Variants in USP36 observed in about 807,000 individuals in gnomAD.
The protein encoded by USP36 is ubiquitin specific peptidase 36.
A neutral mutation model predicts 111.5 loss-of-function variants in USP36; 59 were observed. The observed-to-expected ratio is 0.53, with a 90% CI of 0.43 to 0.66. The LOEUF is 0.66. Ranked by LOEUF, USP36 falls within the 30% of genes least tolerant of loss-of-function variation. The probability of loss-of-function intolerance (pLI) is 0.00; values close to 1 mark genes in which losing one functional copy is unlikely to be tolerated. For synonymous variants in USP36, 628 were observed against 581.0 expected (o/e 1.08, Z -1.16); for missense variants, 1,488 against 1,468.0 (o/e 1.01, Z -0.22).
intron 15 of USP36, among the ~76,000 whole-genome samples, chr17:78,804,736 C>T (rs1465861524): frequency 3.3e-5 from 5 of 149,378 alleles, no homozygotes; most frequent in African/African-American, 1.2e-4. Flanking sequence ...TGTTCCATGC[C>T]TTAGTTTCTT....
chr17:78,822,020 C>A lies in USP36; in HGVS notation c.690-16G>T. On this transcript the variant is annotated splice_polypyrimidine_tract_variant and intron_variant, in intron 6 of 20. Coordinates refer to ENST00000449938, the MANE Select transcript of USP36 (RefSeq NM_001385174.1). ...ACGATCCAACCTGAAAAGGAGACCC[C>A]AGCCTTTAAGGGAAGGGCTCAGCAA... 1.9e-6 allele frequency: 3 copies of A among 1,614,048 alleles called. No individual in the cohort carries two copies. The highest frequency in any genetic ancestry group is 1.1e-5 in the South Asian group (1 of 91,076).
At chr17:78,837,973 T>A (rs545730954) in intron 2 of USP36, among the ~76,000 whole-genome samples, 2 of 152,312 alleles carry the variant, frequency 1.3e-5, no homozygotes, top group African/African-American at 4.8e-5. Flanking sequence ...TCGTCCCAGA[T>A]GCTTGGGAGG....
At chr17:78,834,124 A>G (rs1420948461) in intron 4 of USP36, among the ~76,000 whole-genome samples, 1 of 151,882 alleles carries the variant, frequency 6.6e-6, no homozygotes, top group Admixed American at 6.6e-5. Flanking sequence ...GCGTGCGTCT[A>G]TAGTCCCAGC....
At chr17:78,790,282 GTTTC>G (rs773530065) in intron 3 of USP36, among the ~76,000 whole-genome samples, 6 of 151,518 alleles carry the variant, frequency 4.0e-5, no homozygotes, top group South Asian at 2.1e-4. Context: ...TGGAGATATG[GTTTC>G]TTTTTCTTTT....
Position 78,798,568 on chromosome 17 carries a change from A to G in USP36, c.3241-17T>C. The G allele has an allele frequency of 6.2e-7, 1 of 1,611,058 alleles. No homozygotes were observed. ...TTTCTTTTCCTAGACCAAGAATCAC[A>G]GGCATCACAGTTCCCAAAAACGGCT... On this transcript the variant is annotated splice_polypyrimidine_tract_variant and intron_variant, in intron 19 of 20. Transcript: ENST00000449938. The surrounding 1 kb of genome is among the most constrained non-coding windows in gnomAD (Gnocchi z 5.1).
chr17:78,806,097 G>A (rs2093891996), intron 15 of USP36, 59 bp downstream of exon 15: 1 of 1,607,498 alleles, frequency 6.2e-7, no homozygotes, highest in Admixed American at 1.7e-5. Flanking sequence ...CACCAGCCAA[G>A]CACACGCAAC....
At chr17:78,806,347 G>C in intron 14 of USP36, 61 bp from the exon 15 acceptor site, 17 of 1,595,390 alleles carry the variant, frequency 1.1e-5, no homozygotes, top group Non-Finnish European at 1.3e-5. Flanking sequence ...TGAGTGAAGA[G>C]GGAAAACAAA....
intron 13 of USP36, among the ~76,000 whole-genome samples, chr17:78,810,842 C>T (rs767786452): frequency 4.6e-5 from 7 of 152,038 alleles, no homozygotes; most frequent in Admixed American, 6.6e-5. Flanking sequence ...AGGCCGGGCA[C>T]GGTGGCTCAT....
Position 78,821,075 on chromosome 17 carries a change from G to C in USP36, c.758-14C>G, listed in dbSNP as rs192823009. Reference sequence around the variant, plus strand: ...CGGAGCACTTCACTGCAACAGAACAGAGGCAGTGGAGCAGGTGGGGCCTGG... The same window carrying C: ...CGGAGCACTTCACTGCAACAGAACACAGGCAGTGGAGCAGGTGGGGCCTGG... On this transcript the variant is annotated splice_polypyrimidine_tract_variant and intron_variant, in intron 7 of 20. Transcript: ENST00000449938. 3.1e-5 allele frequency: 49 copies of C among 1,590,222 alleles called. No homozygotes were observed. The highest frequency in any genetic ancestry group is 1.0e-4 in the Admixed American group (6 of 57,398).
At chr17:78,819,002 G>A in intron 9 of USP36, 1 of 457,412 alleles carries the variant, frequency 2.2e-6, no homozygotes, top group Non-Finnish European at 4.0e-6. Context: ...AGATTCTAAA[G>A]CAAAAAAATA....
At chr17:78,832,181 T>C (rs1434127560) in intron 4 of USP36, among the ~76,000 whole-genome samples, 1 of 152,192 alleles carries the variant, frequency 6.6e-6, no homozygotes, top group African/African-American at 2.4e-5. Flanking sequence ...TCCTAGACTA[T>C]TTACACAGTG....
intron 15 of USP36, among the ~76,000 whole-genome samples, chr17:78,804,946 C>T (rs2093858817): frequency 6.6e-6 from 1 of 152,168 alleles, no homozygotes; most frequent in Non-Finnish European, 1.5e-5. Flanking sequence ...AAGTGTTGAG[C>T]TGGCCTAATG....
At chr17:78,824,841 G>A (rs143816809) in intron 6 of USP36, among the ~76,000 whole-genome samples, 3 of 152,242 alleles carry the variant, frequency 2.0e-5, no homozygotes, top group Non-Finnish European at 2.9e-5. Flanking sequence ...AGGGGCCGGC[G>A]GAAACCCTGC....
intron 6 of USP36, among the ~76,000 whole-genome samples, chr17:78,823,952 C>G (rs2067302455): frequency 1.3e-5 from 2 of 152,168 alleles, no homozygotes; most frequent in Non-Finnish European, 2.9e-5. Context: ...AAGCACAAAG[C>G]AGCAATGAAC....
Position 78,802,307 on chromosome 17 carries a change from C to A in USP36, c.3022+17G>T, listed in dbSNP as rs1357143803. 1.9e-6 allele frequency: 3 copies of A among 1,553,218 alleles called. No homozygotes were observed. Among genetic ancestry groups the A allele is most frequent in the South Asian group, 1.2e-5 (1 of 85,066 alleles). On this transcript the variant is annotated intron_variant, in intron 17 of 20. Transcript: ENST00000449938. ...GTGCACACCCATGCGGTTCCCACCC[C>A]CTCGCCCGGTGCATACCCATGCGGT... is the stretch of plus-strand genomic sequence containing the variant.
At chr17:78,813,505 A>G (rs997335826) in intron 12 of USP36, among the ~76,000 whole-genome samples, 3 of 152,118 alleles carry the variant, frequency 2.0e-5, no homozygotes, top group African/African-American at 7.2e-5. Context: ...CAGTACCTCT[A>G]ATTTGGGGCA....
chr17:78,798,383 AC>A lies in USP36; in HGVS notation c.*20+16del, dbSNP rs748226097. The A allele has an allele frequency of 8.1e-6, 13 of 1,609,790 alleles. No individual in the cohort carries two copies. The highest frequency in any genetic ancestry group is 1.1e-5 in the Non-Finnish European group (13 of 1,179,040). Reference sequence around the variant, plus strand: ...ACACCCCCACCTCACCCTTACACCCACCCCCTCGGAACCGACCTCCTTCCAC... The same window carrying A: ...ACACCCCCACCTCACCCTTACACCCACCCCTCGGAACCGACCTCCTTCCAC... On this transcript the variant is annotated intron_variant, in intron 20 of 20. Coordinates refer to ENST00000449938, the MANE Select transcript of USP36 (RefSeq NM_001385174.1). This position sits in a 1 kb window ranked among gnomAD's most constrained non-coding sequence, Gnocchi z 5.1.
chr17:78,807,231 G>A lies in USP36; in HGVS notation c.1813C>T (p.Leu605Phe), dbSNP rs755243023. The A allele has an allele frequency of 6.2e-7, 1 of 1,614,108 alleles. No individual in the cohort carries two copies. The highest frequency in any genetic ancestry group is 1.1e-5 in the South Asian group (1 of 91,078). The change falls in exon 14 of 21, where the codon CTC becomes TTC. Residue 605 changes from leucine (L) to phenylalanine (F), a missense_variant. Leu to Phe is a conservative substitution (Grantham distance 22, BLOSUM62 0). Transcript: ENST00000449938. ...GAGCTGCTGGAGCCCCTCCTGTCGA[G>A]GCCAGCGCTCTCGTCGTTCCCCTTC... ...GLKGNDESAGLDRRGSSSSSP... is the reference protein window; with the variant it reads ...GLKGNDESAGFDRRGSSSSSP...
rs532399316 is a variant in USP36, at chr17:78,798,187, C to T, written c.*20+213G>A. On this transcript the variant is annotated intron_variant, in intron 20 of 20. Transcript: ENST00000449938. This position sits in a 1 kb window ranked among gnomAD's most constrained non-coding sequence, Gnocchi z 5.1. ...ATACACACGCATCCCACACACACCC[C>T]CTTATACACACGCATCCCACACACA... The T allele has an allele frequency of 5.1e-5, 31 of 610,720 alleles. No individual in the cohort carries two copies. In the Admixed American group the frequency reaches 7.8e-4, roughly 15 times the overall value. 37.8% of individuals were successfully genotyped at this position (610,720 alleles called of 1,614,324 possible). A position where few individuals can be genotyped will look rare whatever the true frequency, so the allele number is the denominator to read the frequency against.
Sources: gnomAD v4.1 joint callset for allele counts (sites outside exome capture counted in the v4.1 genomes callset) on GRCh38, gnomAD v4.1.1 for gene constraint, Gnocchi (gnomAD v3.1) non-coding constraint, MANE v1.5 for transcripts, NCBI Gene and HGNC (gene_info 2026-07-23, HGNC 2026-07-21) for gene names.